Variants in MKLN1 observed in about 807,000 individuals in gnomAD.
MKLN1 encodes the protein muskelin 1.
Under a neutral mutation model 99.0 loss-of-function variants are expected in MKLN1, and 18 were observed. That is an observed-to-expected ratio of 0.18 (90% CI 0.13 to 0.27). The LOEUF is 0.27. MKLN1 is among the 10% of genes least tolerant of loss of function. The pLI is 1.00. For synonymous variants in MKLN1, 288 were observed against 293.2 expected (o/e 0.98, Z 0.18); for missense variants, 621 against 875.9 (o/e 0.71, Z 3.67).
chr7:131,187,269 C>T (rs542915127), intron 2 of MKLN1, among the ~76,000 whole-genome samples: 1 of 151,738 alleles, frequency 6.6e-6, no homozygotes, highest in African/African-American at 2.4e-5. Context: ...TTTCCTACCG[C>T]ACAGTCAGCC....
chr7:131,484,582 C>G (rs146480213), intron 17 of MKLN1, among the ~76,000 whole-genome samples: 3 of 152,104 alleles, frequency 2.0e-5, no homozygotes, highest in Non-Finnish European at 4.4e-5. Context: ...ATAATTTGAT[C>G]TCAAGAAAAT....
intron 1 of MKLN1, among the ~76,000 whole-genome samples, chr7:131,329,367 C>A (rs1287365364): frequency 6.6e-6 from 1 of 152,170 alleles, no homozygotes; most frequent in South Asian, 2.1e-4. Flanking sequence ...ATGGCCATAT[C>A]CCTGATTGAT....
intron 12 of MKLN1, among the ~76,000 whole-genome samples, chr7:131,458,769 C>T (rs955662902): frequency 5.3e-5 from 8 of 151,894 alleles, no homozygotes; most frequent in Non-Finnish European, 2.9e-5. Flanking sequence ...ATTTTGCCCT[C>T]GTTAAGATTG....
At chr7:131,349,175 G>A (rs1050017622) in intron 1 of MKLN1, among the ~76,000 whole-genome samples, 1 of 148,428 alleles carries the variant, frequency 6.7e-6, no homozygotes, top group African/African-American at 2.5e-5. Flanking sequence ...AGAGTGCTTA[G>A]AAGCAGTTTG....
chr7:131,139,315 T>C (rs1795697031), intron 1 of MKLN1, among the ~76,000 whole-genome samples: 1 of 151,984 alleles, frequency 6.6e-6, no homozygotes, highest in South Asian at 2.1e-4. Context: ...TCTAACCCAT[T>C]TTTGGCCCCT....
rs149201189 is a variant in MKLN1, at chr7:131,128,410, G to A, written c.-418-14410G>A. On this transcript the variant is annotated intron_variant, in intron 1 of 7. Coordinates refer to the MKLN1 transcript ENST00000416992. ...CATGAGCAAAAAAGCAATGGTTTATGGTTTATAAAAGAAAAGCATTGTACT... is the reference window on the plus strand; with the variant it reads ...CATGAGCAAAAAAGCAATGGTTTATAGTTTATAAAAGAAAAGCATTGTACT... Among the ~76,000 whole-genome samples, 300 of 152,176 alleles carry A rather than the reference G, an allele frequency of 2.0e-3. 2 individuals carry two copies. Among genetic ancestry groups the A allele is most frequent in the African/African-American group, 6.6e-3 (276 of 41,516 alleles).
intron 3 of MKLN1, among the ~76,000 whole-genome samples, chr7:131,231,881 C>T (rs1162563868): frequency 6.6e-6 from 1 of 152,118 alleles, no homozygotes; most frequent in Admixed American, 6.5e-5. Context: ...TGAAGAACCA[C>T]AAATGTCGCA....
intron 3 of MKLN1, among the ~76,000 whole-genome samples, chr7:131,303,700 A>G (rs1355625312): frequency 3.9e-5 from 6 of 152,218 alleles, no homozygotes; most frequent in Non-Finnish European, 1.5e-5. Flanking sequence ...GAATTTGGTG[A>G]GTCTCAACCT....
chr7:131,454,819 G>A (rs1270863503), intron 12 of MKLN1, among the ~76,000 whole-genome samples: 1 of 152,162 alleles, frequency 6.6e-6, no homozygotes, highest in Non-Finnish European at 1.5e-5. Context: ...TTGCCTCCCT[G>A]CTTTGGGTGC....
At chr7:131,359,261 T>A (rs1205549184) in intron 1 of MKLN1, among the ~76,000 whole-genome samples, 1 of 152,214 alleles carries the variant, frequency 6.6e-6, no homozygotes, top group Non-Finnish European at 1.5e-5. Context: ...GGAGACTGCT[T>A]TGACCCATGT....
intron 3 of MKLN1, among the ~76,000 whole-genome samples, chr7:131,245,844 C>T (rs929564912): frequency 3.9e-5 from 6 of 152,236 alleles, no homozygotes; most frequent in African/African-American, 4.8e-5. Flanking sequence ...CATTAAACAA[C>T]GCATGACTAT....
intron 3 of MKLN1, among the ~76,000 whole-genome samples, chr7:131,219,234 T>TA (rs5887501): frequency 0.61 from 91,218 of 150,046 alleles, 28,351 homozygotes; most frequent in East Asian, 0.73. Flanking sequence ...TTAAAAATGT[T>TA]AAAAAAAAAA....
intron 3 of MKLN1, among the ~76,000 whole-genome samples, chr7:131,229,801 G>C (rs1170058410): frequency 6.6e-6 from 1 of 152,056 alleles, no homozygotes; most frequent in African/African-American, 2.4e-5. Context: ...TGATCCTCCT[G>C]CCTCAGCCTC....
intron 3 of MKLN1, among the ~76,000 whole-genome samples, chr7:131,300,979 C>T (rs948042648): frequency 6.6e-6 from 1 of 152,178 alleles, no homozygotes; most frequent in Admixed American, 6.5e-5. Flanking sequence ...GCTCAGCTGT[C>T]AGTTACTAGC....
intron 2 of MKLN1, among the ~76,000 whole-genome samples, chr7:131,172,344 C>T (rs959331245): frequency 3.3e-5 from 5 of 151,056 alleles, no homozygotes; most frequent in African/African-American, 1.2e-4. Context: ...GAGATGGAGT[C>T]TCGCTCTGTC....
intron 12 of MKLN1, among the ~76,000 whole-genome samples, chr7:131,456,238 TTTA>T (rs1413122158): frequency 1.3e-5 from 2 of 152,120 alleles, no homozygotes; most frequent in African/African-American, 4.8e-5. Context: ...AGCCTTCATT[TTTA>T]TTATTATAAT....
At chr7:131,358,537 G>C (rs1482843761) in intron 1 of MKLN1, among the ~76,000 whole-genome samples, 3 of 152,066 alleles carry the variant, frequency 2.0e-5, no homozygotes, top group African/African-American at 7.2e-5. Flanking sequence ...GTTAATGCTG[G>C]TCTCGTAGAA....
chr7:131,344,109 G>C (rs1799486791), intron 1 of MKLN1, among the ~76,000 whole-genome samples: 1 of 152,124 alleles, frequency 6.6e-6, no homozygotes, highest in African/African-American at 2.4e-5. Flanking sequence ...TGTGTATATA[G>C]AAAAGATTGC....
intron 2 of MKLN1, among the ~76,000 whole-genome samples, chr7:131,379,914 T>C (rs1257288538): frequency 6.6e-6 from 1 of 152,212 alleles, no homozygotes; most frequent in African/African-American, 2.4e-5. Context: ...AAAGAACTAC[T>C]TTGGGGCCAC....
Sources: gnomAD v4.1 joint callset for allele counts (sites outside exome capture counted in the v4.1 genomes callset) on GRCh38, gnomAD v4.1.1 for gene constraint, MANE v1.5 for transcripts, NCBI Gene and HGNC (gene_info 2026-07-23, HGNC 2026-07-21) for gene names.